Variants in PLEKHG1 observed in about 807,000 individuals in gnomAD.
PLEKHG1 encodes the protein pleckstrin homology and RhoGEF domain containing G1.
A neutral mutation model predicts 100.8 loss-of-function variants in PLEKHG1; 44 were observed. The ratio of observed to expected loss-of-function variants is 0.44; its 90% confidence interval spans 0.34 to 0.56. The LOEUF (loss-of-function observed/expected upper bound fraction) is 0.56. Ranked by LOEUF, PLEKHG1 falls within the 20% of genes least tolerant of loss-of-function variation. The pLI, the probability that PLEKHG1 is intolerant of heterozygous loss-of-function variation, is 0.01. For missense variants in PLEKHG1, 1,545 were observed against 1,720.9 expected, an observed-to-expected ratio of 0.90 and a Z score of 1.81; for synonymous variants, 640 against 662.5, an observed-to-expected ratio of 0.97 and a Z score of 0.52.
chr6:150,754,725 A>G (rs1299043236), intron 2 of PLEKHG1, among the ~76,000 whole-genome samples: 1 of 151,008 alleles, frequency 6.6e-6, no homozygotes, highest in East Asian at 2.0e-4. Context: ...CTGGAGGGCA[A>G]TGGCACAATC....
chr6:150,697,557 G>A (rs1036984762), intron 3 of PLEKHG1, among the ~76,000 whole-genome samples: 3 of 152,160 alleles, frequency 2.0e-5, no homozygotes, highest in African/African-American at 7.2e-5. Context: ...TGAGAATCTC[G>A]CTGAGGGCCG....
chr6:150,674,025 C>T (rs1467933527), intron 3 of PLEKHG1, among the ~76,000 whole-genome samples: 3 of 152,144 alleles, frequency 2.0e-5, no homozygotes, highest in Non-Finnish European at 4.4e-5. Flanking sequence ...CTCTCCACCA[C>T]ACACCACACA....
intron 3 of PLEKHG1, among the ~76,000 whole-genome samples, chr6:150,652,922 A>G (rs1778809569): frequency 6.6e-6 from 1 of 152,196 alleles, no homozygotes; most frequent in Non-Finnish European, 1.5e-5. Flanking sequence ...GAAGTACTCA[A>G]AGTTATTACA....
intron 1 of PLEKHG1, among the ~76,000 whole-genome samples, chr6:150,613,510 C>T (rs948117655): frequency 6.6e-6 from 1 of 152,194 alleles, no homozygotes; most frequent in East Asian, 1.9e-4. Context: ...CCTCTGAGTA[C>T]GTTCTGATTG....
chr6:150,693,490 T>A (rs1362059819), intron 3 of PLEKHG1, among the ~76,000 whole-genome samples: 1 of 152,188 alleles, frequency 6.6e-6, no homozygotes, highest in Non-Finnish European at 1.5e-5. Flanking sequence ...CAAATTGCCC[T>A]TGGAATAATC....
chr6:150,622,727 C>A (rs1777352719), intron 1 of PLEKHG1, among the ~76,000 whole-genome samples: 1 of 152,224 alleles, frequency 6.6e-6, no homozygotes, highest in Non-Finnish European at 1.5e-5. Flanking sequence ...GCATCCTCTG[C>A]CCTAGGTTCA....
chr6:150,809,774 T>G (rs1222293733), intron 10 of PLEKHG1, 40 bp downstream of exon 11: 2 of 1,479,986 alleles, frequency 1.4e-6, no homozygotes, highest in South Asian at 1.2e-5. Context: ...GGGAGAGAGA[T>G]ACAAGAATCA....
At chr6:150,701,461 ATATAT>A (rs1562446574) in intron 3 of PLEKHG1, among the ~76,000 whole-genome samples, 9 of 85,502 alleles carry the variant, frequency 1.1e-4, no homozygotes, top group East Asian at 3.6e-4. Flanking sequence ...ATATATATAT[ATATAT>A]AATTATACTT....
At chr6:150,714,185 T>A (rs957184500) in intron 3 of PLEKHG1, among the ~76,000 whole-genome samples, 3 of 152,232 alleles carry the variant, frequency 2.0e-5, no homozygotes, top group African/African-American at 4.8e-5. Flanking sequence ...CAGCCAGTCC[T>A]CCGATGGTGT....
intron 2 of PLEKHG1, among the ~76,000 whole-genome samples, chr6:150,755,382 C>T (rs896529781): frequency 2.0e-5 from 3 of 152,166 alleles, no homozygotes; most frequent in Non-Finnish European, 2.9e-5. Flanking sequence ...AGCCTTCCTA[C>T]GGCACTGGTA....
chr6:150,781,473 C>G (rs918651835), intron 3 of PLEKHG1, among the ~76,000 whole-genome samples: 4 of 151,570 alleles, frequency 2.6e-5, no homozygotes, highest in Middle Eastern at 3.4e-3. Context: ...CCATTGCACT[C>G]CAGCCTGGGA....
At chr6:150,710,476 A>G (rs1287708773) in intron 3 of PLEKHG1, among the ~76,000 whole-genome samples, 1 of 152,162 alleles carries the variant, frequency 6.6e-6, no homozygotes, top group African/African-American at 2.4e-5. Flanking sequence ...AGGCAGGAAC[A>G]GAGTCATGGT....
intron 1 of PLEKHG1, among the ~76,000 whole-genome samples, chr6:150,722,349 C>CTTTTTTTTTTTTTTTTTTTTTTTTTTT: frequency 1.1e-5 from 1 of 90,678 alleles, no homozygotes. Context: ...TTTTTCTTTT[C>CTTTTTTTTTTTTTTTTTTTTTTTTTTT]TTTTTTTTTT....
At chr6:150,835,284 G>T (rs904945042) in intron 15 of PLEKHG1, among the ~76,000 whole-genome samples, 1 of 152,028 alleles carries the variant, frequency 6.6e-6, no homozygotes, top group Non-Finnish European at 1.5e-5. Flanking sequence ...TGGGTTTCTG[G>T]GTTTTTTGGT....
intron 3 of PLEKHG1, among the ~76,000 whole-genome samples, chr6:150,697,731 C>T (rs1165468337): frequency 6.6e-6 from 1 of 152,204 alleles, no homozygotes; most frequent in Admixed American, 6.5e-5. Context: ...AAGATTGACA[C>T]AGACAGTCCC....
chr6:150,818,239 A>C, intron 11 of PLEKHG1, 23 bp downstream of exon 12: 1 of 1,520,110 alleles, frequency 6.6e-7, no homozygotes, highest in Non-Finnish European at 9.1e-7. Flanking sequence ...TCCTTAAAAC[A>C]ATTTGAAATT....
intron 1 of PLEKHG1, among the ~76,000 whole-genome samples, chr6:150,722,399 G>A (rs1456507123): frequency 7.7e-6 from 1 of 129,936 alleles, no homozygotes; most frequent in East Asian, 2.2e-4. Flanking sequence ...TGTCACCCAG[G>A]CTGGAGTGCA....
At chr6:150,829,494 T>C (rs879571557) in intron 14 of PLEKHG1, among the ~76,000 whole-genome samples, 1 of 152,086 alleles carries the variant, frequency 6.6e-6, no homozygotes, top group African/African-American at 2.4e-5. Context: ...GGCGGGCACC[T>C]ATAATCCCAG....
intron 3 of PLEKHG1, among the ~76,000 whole-genome samples, chr6:150,782,720 T>TTC (rs2128649221): frequency 6.6e-6 from 1 of 152,294 alleles, no homozygotes; most frequent in Admixed American, 6.5e-5. Flanking sequence ...GGGGAAATAA[T>TTC]GCTACTCTTC....
Sources: allele counts gnomAD v4.1 joint callset (sites outside exome capture counted in the v4.1 genomes callset), GRCh38; gene constraint gnomAD v4.1.1; transcripts MANE v1.5; gene names NCBI Gene and HGNC (gene_info 2026-07-23, HGNC 2026-07-21).